The following IQSEC3 variants were observed in gnomAD, a reference collection of about 807,000 sequenced individuals.
IQSEC3 encodes the protein IQ motif and SEC7 domain-containing protein 3.
IQSEC3 carries 50 observed loss-of-function variants against 105.4 expected under a neutral mutation model. The observed-to-expected ratio is 0.47, with a 90% CI of 0.38 to 0.60. The LOEUF is 0.60. IQSEC3 is among the 20% of genes least tolerant of loss of function. The pLI, the probability that IQSEC3 is intolerant of heterozygous loss-of-function variation, is 0.00. For synonymous variants in IQSEC3, 708 were observed against 746.0 expected, an observed-to-expected ratio of 0.95 and a Z score of 0.83; for missense variants, 1,415 against 1,630.0, an observed-to-expected ratio of 0.87 and a Z score of 2.27.
chr12:167,662 T>C (rs1555098924), intron 11 of IQSEC3: 1 of 151,766 alleles, frequency 6.6e-6, no homozygotes, highest in Non-Finnish European at 1.5e-5. Flanking sequence ...GGAGGATTGC[T>C]TGAGCCCAGA....
intron 2 of IQSEC3, among the ~76,000 whole-genome samples, chr12:99,953 T>C (rs1864369930): frequency 6.9e-6 from 1 of 144,210 alleles, no homozygotes; most frequent in African/African-American, 2.5e-5. Flanking sequence ...CCGATCTGTG[T>C]TCTGTCAATC....
At chr12:135,057 G>T (rs1302177716) in intron 3 of IQSEC3, among the ~76,000 whole-genome samples, 1 of 152,210 alleles carries the variant, frequency 6.6e-6, no homozygotes, top group Admixed American at 6.5e-5. Context: ...TTGAACCCAG[G>T]AGGCGGAGGT....
intron 1 of IQSEC3, among the ~76,000 whole-genome samples, chr12:90,815 C>G (rs1424907064): frequency 6.6e-6 from 1 of 152,162 alleles, no homozygotes; most frequent in African/African-American, 2.4e-5. Context: ...CTCCTCACCC[C>G]AGGAATCAGA....
chr12:118,752 G>A (rs1026449610), intron 2 of IQSEC3, among the ~76,000 whole-genome samples: 1 of 152,226 alleles, frequency 6.6e-6, no homozygotes, highest in Admixed American at 6.5e-5. Flanking sequence ...TGGTAGGAGA[G>A]TGCCGGGCCT....
chr12:99,108 G>A (rs1393139514), intron 1 of IQSEC3, 38 bp from the exon 2 acceptor site: 2 of 1,578,520 alleles, frequency 1.3e-6, no homozygotes, highest in Non-Finnish European at 1.7e-6. Flanking sequence ...GACCCAGCCT[G>A]CCTCAGGCGC....
chr12:151,261 G>T (rs546514450), intron 5 of IQSEC3, among the ~76,000 whole-genome samples: 1 of 143,976 alleles, frequency 6.9e-6, no homozygotes, highest in Non-Finnish European at 1.5e-5. Flanking sequence ...TGGAGACTCC[G>T]TCTCTCCTCC....
intron 2 of IQSEC3, among the ~76,000 whole-genome samples, chr12:121,298 T>C (rs1381644961): frequency 6.6e-6 from 1 of 152,210 alleles, no homozygotes; most frequent in Non-Finnish European, 1.5e-5. Context: ...GTTAAATAGA[T>C]GGTCCTTCCA....
intron 5 of IQSEC3, 64 bp downstream of exon 5, chr12:141,349 C>G: frequency 2.0e-6 from 3 of 1,514,000 alleles, no homozygotes; most frequent in Non-Finnish European, 2.7e-6. Flanking sequence ...CGGGCTCTCT[C>G]TGTGAGCTCC....
intron 4 of IQSEC3, chr12:140,856 AC>A (rs1865989443): frequency 2.3e-6 from 1 of 432,670 alleles, no homozygotes; most frequent in Non-Finnish European, 4.1e-6. Flanking sequence ...CTGGGGTAAG[AC>A]CCAGGAGGCA....
rs1299410789 is a variant in IQSEC3, at chr12:165,472, G to C, written c.2748G>C (p.Thr916=). The change falls in exon 10 of 14, where the codon ACG becomes ACC. Residue 916 remains threonine (T), a synonymous_variant. Transcript: ENST00000538872. ...KLCPKKKSSS[T]YTFCKSVGLL... is the part of the protein sequence containing the mutation. Reference sequence around the variant, plus strand: ...GCCCGAAGAAGAAGAGCTCCTCCACGTACACCTTTTGCAAGTCAGTTGGCC... The same window carrying C: ...GCCCGAAGAAGAAGAGCTCCTCCACCTACACCTTTTGCAAGTCAGTTGGCC... The C allele has an allele frequency of 6.2e-7, 1 of 1,614,132 alleles. No individual in the cohort carries two copies. Among genetic ancestry groups the C allele is most frequent in the Non-Finnish European group, 8.5e-7 (1 of 1,180,022 alleles).
chr12:103,983 A>G lies in IQSEC3; in HGVS notation c.623+4769A>G, dbSNP rs115948264. 8.9e-3 allele frequency among the ~76,000 whole-genome samples: 1,283 copies of G among 144,170 alleles called. 20 individuals are homozygous for G. The highest frequency in any genetic ancestry group is 0.03 in the African/African-American group (1,156 of 38,866). The allele number at this position is 144,170 out of a possible 152,430, so 94.6% of individuals were successfully genotyped here. ...CAAGAAGGGATCTGGGTAGGGGTCTAAGGGGCACTCTGAGCCTCTGCTAAC... is the reference window on the plus strand; with the variant it reads ...CAAGAAGGGATCTGGGTAGGGGTCTGAGGGGCACTCTGAGCCTCTGCTAAC... On this transcript the variant is annotated intron_variant, in intron 2 of 13. Transcript: ENST00000538872.
chr12:99,777 T>G (rs10732605), intron 2 of IQSEC3, among the ~76,000 whole-genome samples: 86,130 of 151,960 alleles, frequency 0.57, 24,788 homozygotes, highest in East Asian at 0.84. Flanking sequence ...TTCTCCTCTG[T>G]TTTTTCCTGG....
intron 1 of IQSEC3, among the ~76,000 whole-genome samples, chr12:69,820 C>G (rs1185727043): frequency 4.6e-5 from 7 of 152,268 alleles, no homozygotes; most frequent in Non-Finnish European, 1.5e-5. Flanking sequence ...TTCGTCCTAC[C>G]CTGCTCTCTG....
chr12:118,970 C>G (rs997758678), intron 2 of IQSEC3, among the ~76,000 whole-genome samples: 6 of 152,232 alleles, frequency 3.9e-5, no homozygotes, highest in Non-Finnish European at 7.3e-5. Context: ...CCCTTCTCAC[C>G]TATTCCTGGG....
At chr12:112,035 C>T (rs1022876859) in intron 2 of IQSEC3, among the ~76,000 whole-genome samples, 1 of 152,134 alleles carries the variant, frequency 6.6e-6, no homozygotes, top group Admixed American at 6.5e-5. Flanking sequence ...TTATGGGTTA[C>T]AATCTTCCCG....
intron 2 of IQSEC3, among the ~76,000 whole-genome samples, chr12:120,899 C>T (rs1865196961): frequency 6.6e-6 from 1 of 152,214 alleles, no homozygotes; most frequent in South Asian, 2.1e-4. Context: ...CTACTTTTGG[C>T]TTCTCAAATG....
chr12:78,401 G>T (rs1277578602), intron 1 of IQSEC3, among the ~76,000 whole-genome samples: 18 of 151,976 alleles, frequency 1.2e-4, no homozygotes, highest in Non-Finnish European at 2.1e-4. Flanking sequence ...GGACATTGAG[G>T]CGGGGGCGGC....
rs538003858 is a variant in IQSEC3, at chr12:174,351, A to G, written c.3115-248A>G. Among the ~76,000 whole-genome samples the G allele has an allele frequency of 5.3e-5, 8 of 152,254 alleles. No individual in the cohort carries two copies. In the East Asian group the frequency reaches 1.5e-3, roughly 29 times the overall value. ...TGCAGAGCCCATCTCACAGATGAAGAGACTGAGGCCGTACAGCGACACTGC... is the reference window on the plus strand; with the variant it reads ...TGCAGAGCCCATCTCACAGATGAAGGGACTGAGGCCGTACAGCGACACTGC... On this transcript the variant is annotated intron_variant, in intron 13 of 13. Transcript: ENST00000538872.
At chr12:135,190 CAG>C (rs1555086038) in intron 3 of IQSEC3, among the ~76,000 whole-genome samples, 1 of 152,180 alleles carries the variant, frequency 6.6e-6, no homozygotes, top group East Asian at 1.9e-4. Context: ...ATAGGGCTGA[CAG>C]ACAGAAATTG....
Sources: allele counts gnomAD v4.1 joint callset (sites outside exome capture counted in the v4.1 genomes callset), GRCh38; gene constraint gnomAD v4.1.1; transcripts MANE v1.5; gene names NCBI Gene and HGNC (gene_info 2026-07-23, HGNC 2026-07-21).